Variants in ASAP1 observed in about 807,000 individuals in gnomAD.
The protein encoded by ASAP1 is arf-GAP with SH3 domain, ANK repeat and PH domain-containing protein 1.
Under a neutral mutation model 145.2 loss-of-function variants are expected in ASAP1, and 43 were observed. That is an observed-to-expected ratio of 0.30 (90% CI 0.23 to 0.38). The LOEUF (loss-of-function observed/expected upper bound fraction) is 0.38, where lower values mean the gene tolerates loss of function less well. ASAP1 is among the 10% of genes least tolerant of loss of function. The pLI is 1.00. For synonymous variants in ASAP1, 546 were observed against 515.5 expected, an observed-to-expected ratio of 1.06 and a Z score of -0.80; for missense variants, 1,018 against 1,355.3, an observed-to-expected ratio of 0.75 and a Z score of 3.91.
chr8:130,089,207 T>G (rs2097500448), intron 25 of ASAP1, among the ~76,000 whole-genome samples: 1 of 151,996 alleles, frequency 6.6e-6, no homozygotes, highest in African/African-American at 2.4e-5. Flanking sequence ...TGACTAAACA[T>G]TAACATAAAG....
At chr8:130,224,940 C>T (rs1428877904) in intron 4 of ASAP1, among the ~76,000 whole-genome samples, 1 of 152,214 alleles carries the variant, frequency 6.6e-6, no homozygotes, top group Non-Finnish European at 1.5e-5. Flanking sequence ...AATTCACATT[C>T]CCAACAGCAA....
chr8:130,170,857 T>C (rs1357697324), intron 9 of ASAP1, among the ~76,000 whole-genome samples: 1 of 152,102 alleles, frequency 6.6e-6, no homozygotes, highest in African/African-American at 2.4e-5. Flanking sequence ...TAGCCGGGAC[T>C]ACAGAGGCAC....
At position 130,384,223 on chromosome 8, in the gene ASAP1, G is replaced by A. The variant is rs186529621; in HGVS notation, c.59+17662C>T. On this transcript the variant is annotated intron_variant, in intron 2 of 29. Transcript: ENST00000518721. ...TGACCTCAAGTTACCAGCAGGGAAGGGCCTCGCTGATTAAAATAAAGCACA... is the reference window on the plus strand; with the variant it reads ...TGACCTCAAGTTACCAGCAGGGAAGAGCCTCGCTGATTAAAATAAAGCACA... Among the ~76,000 whole-genome samples, 17 of 152,262 alleles carry A rather than the reference G, an allele frequency of 1.1e-4. No individual in the cohort carries two copies. The East Asian group carries it at 3.1e-3, about 28-fold the overall frequency.
chr8:130,336,893 G>A (rs927624369), intron 3 of ASAP1, among the ~76,000 whole-genome samples: 2 of 152,158 alleles, frequency 1.3e-5, no homozygotes, highest in Non-Finnish European at 2.9e-5. Flanking sequence ...AACAGCTCCA[G>A]TCTCATAAAC....
chr8:130,140,837 T>C (rs2097609068), intron 13 of ASAP1, among the ~76,000 whole-genome samples: 1 of 152,206 alleles, frequency 6.6e-6, no homozygotes, highest in African/African-American at 2.4e-5. Flanking sequence ...TTTGACTGTC[T>C]AAGCAGCTGA....
chr8:130,325,035 T>C (rs903714249), intron 3 of ASAP1, among the ~76,000 whole-genome samples: 4 of 152,056 alleles, frequency 2.6e-5, no homozygotes. Flanking sequence ...CTTCCAGAGG[T>C]GGGGTATGTC....
intron 3 of ASAP1, among the ~76,000 whole-genome samples, chr8:130,352,112 T>C (rs528612360): frequency 6.6e-6 from 1 of 152,318 alleles, no homozygotes; most frequent in South Asian, 2.1e-4. Context: ...TGTTTGCCTT[T>C]TGTTGTATTA....
intron 3 of ASAP1, among the ~76,000 whole-genome samples, chr8:130,293,313 C>T (rs1470131778): frequency 6.6e-6 from 1 of 152,184 alleles, no homozygotes; most frequent in African/African-American, 2.4e-5. Context: ...ATGGATTCAC[C>T]AAGGCTTTCC....
intron 13 of ASAP1, among the ~76,000 whole-genome samples, chr8:130,138,691 C>T (rs1262942489): frequency 2.6e-5 from 4 of 152,000 alleles, no homozygotes; most frequent in African/African-American, 9.7e-5. Flanking sequence ...ACAAAATTAG[C>T]CGGGCGTGGT....
At chr8:130,298,738 C>CTGAT (rs1386498198) in intron 3 of ASAP1, among the ~76,000 whole-genome samples, 2 of 152,186 alleles carry the variant, frequency 1.3e-5, no homozygotes, top group Admixed American at 1.3e-4. Context: ...CTCTATCCCT[C>CTGAT]TGATCTCAGT....
intron 3 of ASAP1, among the ~76,000 whole-genome samples, chr8:130,253,057 A>G (rs1819300423): frequency 6.6e-6 from 1 of 152,172 alleles, no homozygotes; most frequent in Non-Finnish European, 1.5e-5. Flanking sequence ...ATGATTCAAA[A>G]TATGCTATGC....
intron 1 of ASAP1, among the ~76,000 whole-genome samples, chr8:130,413,000 A>C (rs926833744): frequency 1.3e-5 from 2 of 152,222 alleles, no homozygotes; most frequent in African/African-American, 4.8e-5. Flanking sequence ...TGTGTATCTG[A>C]CACTAACTAC....
At chr8:130,420,821 A>C (rs1829690771) in intron 1 of ASAP1, among the ~76,000 whole-genome samples, 1 of 151,558 alleles carries the variant, frequency 6.6e-6, no homozygotes, top group Non-Finnish European at 1.5e-5. Flanking sequence ...TGAACTCGGG[A>C]GGCAGAGGTT....
At chr8:130,333,315 T>C (rs188826844) in intron 3 of ASAP1, among the ~76,000 whole-genome samples, 1 of 152,342 alleles carries the variant, frequency 6.6e-6, no homozygotes, top group African/African-American at 2.4e-5. Flanking sequence ...TAAAAAGGCA[T>C]GGCTGGCTGG....
intron 3 of ASAP1, among the ~76,000 whole-genome samples, chr8:130,241,637 C>T (rs1349852863): frequency 6.6e-6 from 1 of 151,900 alleles, no homozygotes; most frequent in Non-Finnish European, 1.5e-5. Flanking sequence ...TAATTCTTCC[C>T]CTAATGGTTT....
chr8:130,082,495 C>T (rs898553579), intron 25 of ASAP1, among the ~76,000 whole-genome samples: 3 of 144,922 alleles, frequency 2.1e-5, no homozygotes, highest in Admixed American at 7.1e-5. Flanking sequence ...AGCCACCACA[C>T]GTGGCCTTTT....
At chr8:130,414,069 T>C (rs1011792000) in intron 1 of ASAP1, among the ~76,000 whole-genome samples, 3 of 152,180 alleles carry the variant, frequency 2.0e-5, no homozygotes, top group African/African-American at 7.2e-5. Context: ...GAGGACTGGA[T>C]AGTGAGTGGC....
At chr8:130,083,107 T>G (rs527725603) in intron 25 of ASAP1, 2 of 152,372 alleles carry the variant, frequency 1.3e-5, no homozygotes, top group African/African-American at 4.8e-5. Context: ...GCAAAGGCCC[T>G]CTGGCTCTGC....
At chr8:130,356,087 AAT>A (rs1491505195) in intron 3 of ASAP1, among the ~76,000 whole-genome samples, 16 of 149,348 alleles carry the variant, frequency 1.1e-4, no homozygotes, top group African/African-American at 2.5e-4. Flanking sequence ...CATAAAAAAA[AAT>A]ATTTGCTTTT....
Sources: allele counts gnomAD v4.1 joint callset (sites outside exome capture counted in the v4.1 genomes callset), GRCh38; gene constraint gnomAD v4.1.1; transcripts MANE v1.5; gene names NCBI Gene and HGNC (gene_info 2026-07-23, HGNC 2026-07-21).